The following PRIM2 variants were observed in gnomAD, a reference collection of about 807,000 sequenced individuals.
The protein encoded by PRIM2 is DNA primase large subunit.
Under a neutral mutation model 67.3 loss-of-function variants are expected in PRIM2, and 39 were observed. The observed-to-expected ratio is 0.58, with a 90% CI of 0.45 to 0.76. The LOEUF (loss-of-function observed/expected upper bound fraction) is 0.76, where lower values mean the gene tolerates loss of function less well. Among genes scored for constraint, PRIM2 ranks in the 30% least tolerant of loss-of-function variants. The probability of loss-of-function intolerance (pLI) is 0.00; values close to 1 mark genes in which losing one functional copy is unlikely to be tolerated. For synonymous variants in PRIM2, 143 were observed against 198.7 expected, an observed-to-expected ratio of 0.72 and a Z score of 2.36; for missense variants, 398 against 598.7, an observed-to-expected ratio of 0.66 and a Z score of 3.50.
chr6:57,516,092 T>A (rs1774482249), intron 8 of PRIM2, among the ~76,000 whole-genome samples: 3 of 151,602 alleles, frequency 2.0e-5, no homozygotes, highest in Non-Finnish European at 4.4e-5. Context: ...GCTTCAGATC[T>A]CTCTAACTTA....
intron 7 of PRIM2, among the ~76,000 whole-genome samples, chr6:57,502,824 A>G (rs1395581506): frequency 1.3e-5 from 2 of 152,248 alleles, no homozygotes; most frequent in East Asian, 1.9e-4. Flanking sequence ...TTGGACTGCT[A>G]GTTTTGGGCT....
At chr6:57,350,803 C>T (rs1262055118) in intron 5 of PRIM2, among the ~76,000 whole-genome samples, 2 of 152,018 alleles carry the variant, frequency 1.3e-5, no homozygotes, top group East Asian at 1.9e-4. Context: ...CTTTTGTGGA[C>T]GTTTCCTAGA....
chr6:57,272,549 C>A, the PRIM2 span, among the ~76,000 whole-genome samples: 91 of 152,294 alleles, frequency 6.0e-4, 2 homozygotes, highest in South Asian at 0.019. Context: ...TTCCTGAATA[C>A]AGCACACTGA....
At chr6:57,330,196 A>C (rs1768004615) in intron 5 of PRIM2, among the ~76,000 whole-genome samples, 1 of 151,854 alleles carries the variant, frequency 6.6e-6, no homozygotes, top group Non-Finnish European at 1.5e-5. Context: ...ATGTCTTGTA[A>C]TTTTTTGTTA....
chr6:57,409,468 C>T (rs1771012779), intron 7 of PRIM2, among the ~76,000 whole-genome samples: 3 of 152,262 alleles, frequency 2.0e-5, no homozygotes, highest in Middle Eastern at 3.4e-3. Flanking sequence ...GCCACTGCTC[C>T]TGGCCTGGAT....
chr6:57,397,971 T>C (rs72871659), intron 7 of PRIM2, among the ~76,000 whole-genome samples: 30 of 150,788 alleles, frequency 2.0e-4, no homozygotes, highest in Middle Eastern at 3.4e-3. Context: ...TTCTTTCTTT[T>C]TTTTTTTGAG....
At chr6:57,621,112 A>G (rs1776845473) in intron 12 of PRIM2, among the ~76,000 whole-genome samples, 1 of 152,158 alleles carries the variant, frequency 6.6e-6, no homozygotes, top group Non-Finnish European at 1.5e-5. Context: ...TTGTGCTGCT[A>G]TAACAGGATA....
the PRIM2 span, among the ~76,000 whole-genome samples, chr6:57,308,254 C>T: frequency 7.9e-5 from 12 of 151,964 alleles, no homozygotes; most frequent in Non-Finnish European, 1.5e-4. Context: ...CCCAGAGTAG[C>T]TGGGACTACA....
chr6:57,628,814 G>T (rs1275422273), intron 12 of PRIM2, among the ~76,000 whole-genome samples: 4 of 152,100 alleles, frequency 2.6e-5, no homozygotes, highest in Admixed American at 6.6e-5. Flanking sequence ...TAAAGGACAT[G>T]ATTTTGTTCT....
chr6:57,239,606 G>A, the PRIM2 span, among the ~76,000 whole-genome samples: 2 of 152,102 alleles, frequency 1.3e-5, no homozygotes, highest in African/African-American at 2.4e-5. Context: ...GCAGGGTGTG[G>A]TGGCGCATGC....
At chr6:57,401,781 G>A (rs1770716859) in intron 7 of PRIM2, among the ~76,000 whole-genome samples, 1 of 152,184 alleles carries the variant, frequency 6.6e-6, no homozygotes, top group South Asian at 2.1e-4. Flanking sequence ...CCCCAGCCAG[G>A]GGTTCTCTGT....
rs1348828733 is a variant in PRIM2 at position 57,507,216 on chromosome 6, G to A, written c.694-171G>A. Among the ~76,000 whole-genome samples, 4 of 152,266 alleles carry A rather than the reference G, an allele frequency of 2.6e-5. No individual in the cohort carries two copies. In the East Asian group the frequency reaches 5.8e-4, roughly 22 times the overall value. On this transcript the variant is annotated intron_variant, in intron 7 of 13. Coordinates refer to ENST00000615550, the MANE Select transcript of PRIM2 (RefSeq NM_000947.5). ...GAACCATGTAGCCAGCTTTGATCAC[G>A]TAATGTGTGAGGTTTTTATATAATT...
At chr6:57,298,428 A>G in the PRIM2 span, among the ~76,000 whole-genome samples, 15,538 of 152,094 alleles carry the variant, frequency 0.1, 1,041 homozygotes, top group East Asian at 0.3. Context: ...ACATCAATTC[A>G]CAGACTGGTA....
At chr6:57,436,974 C>T (rs560292180) in intron 7 of PRIM2, among the ~76,000 whole-genome samples, 2,546 of 152,118 alleles carry the variant, frequency 0.017, 34 homozygotes, top group Non-Finnish European at 0.027. Context: ...AGGAAATACT[C>T]GAGACTGGGT....
At chr6:57,465,996 G>A (rs554057168) in intron 7 of PRIM2, among the ~76,000 whole-genome samples, 6 of 148,622 alleles carry the variant, frequency 4.0e-5, no homozygotes, top group African/African-American at 7.4e-5. Flanking sequence ...GACAGGCCCC[G>A]GTGTGTGATG....
intron 7 of PRIM2, among the ~76,000 whole-genome samples, chr6:57,394,141 C>T (rs927818650): frequency 2.0e-5 from 3 of 151,982 alleles, no homozygotes; most frequent in Non-Finnish European, 2.9e-5. Flanking sequence ...TTTGGCTATG[C>T]GGGCTCTTTT....
chr6:57,553,424 A>C (rs1347822981), intron 10 of PRIM2, among the ~76,000 whole-genome samples: 1 of 152,026 alleles, frequency 6.6e-6, no homozygotes, highest in Non-Finnish European at 1.5e-5. Context: ...AAAAAACATG[A>C]ATCCAGGACA....
At chr6:57,344,584 T>C (rs1486432651) in intron 5 of PRIM2, among the ~76,000 whole-genome samples, 5 of 152,234 alleles carry the variant, frequency 3.3e-5, no homozygotes, top group Non-Finnish European at 4.4e-5. Context: ...TATAATACTT[T>C]TGTTCTCATA....
intron 7 of PRIM2, among the ~76,000 whole-genome samples, chr6:57,482,870 C>A (rs2127406308): frequency 6.6e-6 from 1 of 152,218 alleles, no homozygotes; most frequent in South Asian, 2.1e-4. Context: ...GGCTGAGGAC[C>A]AGCATCAGAT....
Sources: gnomAD v4.1 joint callset for allele counts (sites outside exome capture counted in the v4.1 genomes callset) on GRCh38, gnomAD v4.1.1 for gene constraint, MANE v1.5 for transcripts, NCBI Gene and HGNC (gene_info 2026-07-23, HGNC 2026-07-21) for gene names.